The following PTPRT variants were observed in gnomAD, a reference collection of about 807,000 sequenced individuals.
The protein encoded by PTPRT is protein tyrosine phosphatase receptor type T.
In PTPRT, 56 loss-of-function variants were observed where a neutral mutation model predicts 176.8. The observed-to-expected ratio is 0.32, with a 90% CI of 0.26 to 0.40. The LOEUF (loss-of-function observed/expected upper bound fraction) is 0.40, where lower values mean the gene tolerates loss of function less well. PTPRT is among the 10% of genes least tolerant of loss of function. The pLI is 1.00. For missense variants in PTPRT, 1,540 were observed against 1,908.2 expected (o/e 0.81, Z 3.60); for synonymous variants, 783 against 739.0 (o/e 1.06, Z -0.96).
At chr20:42,122,817 G>A (rs775724224) in intron 19 of PTPRT, among the ~76,000 whole-genome samples, 3 of 152,068 alleles carry the variant, frequency 2.0e-5, no homozygotes, top group African/African-American at 7.2e-5. Flanking sequence ...CCTTACCTTC[G>A]GACTAGTCAT....
rs368854838 is a variant in PTPRT, at chr20:43,071,379, C to T, written c.88+118267G>A. Among the ~76,000 whole-genome samples, 705 of 152,326 alleles carry T rather than the reference C, an allele frequency of 4.6e-3. 6 individuals are homozygous for T. Among genetic ancestry groups the T allele is most frequent in the African/African-American group, 0.016 (679 of 41,558 alleles). Reference sequence around the variant, plus strand: ...TGTGGTTGAACAAGCTCTCCAGGTGCTTCTCATGGATGCTCGAGTTTGAGA... The same window carrying T: ...TGTGGTTGAACAAGCTCTCCAGGTGTTTCTCATGGATGCTCGAGTTTGAGA... On this transcript the variant is annotated intron_variant, in intron 1 of 30. Coordinates refer to ENST00000373187, the MANE Select transcript of PTPRT (RefSeq NM_007050.6).
intron 26 of PTPRT, among the ~76,000 whole-genome samples, chr20:42,101,666 C>T (rs572952780): frequency 6.6e-6 from 1 of 152,318 alleles, no homozygotes; most frequent in East Asian, 1.9e-4. Flanking sequence ...TGTGCGCCAT[C>T]CTCATTTTTG....
intron 16 of PTPRT, among the ~76,000 whole-genome samples, chr20:42,166,631 A>G (rs993829808): frequency 1.3e-5 from 2 of 152,188 alleles, no homozygotes; most frequent in Non-Finnish European, 2.9e-5. Context: ...TTTGAGAAGA[A>G]GTCGGGGCCA....
intron 1 of PTPRT, among the ~76,000 whole-genome samples, chr20:43,018,682 T>C (rs747385435): frequency 6.6e-6 from 1 of 152,230 alleles, no homozygotes; most frequent in East Asian, 1.9e-4. Context: ...ACAGAAAATA[T>C]GAACAAAAGA....
At chr20:42,953,601 C>T (rs11908081) in intron 1 of PTPRT, among the ~76,000 whole-genome samples, 11,105 of 152,166 alleles carry the variant, frequency 0.073, 1,177 homozygotes, top group African/African-American at 0.23. Context: ...TAGAGTCTAT[C>T]ACACTCCTAG....
At chr20:42,563,357 G>A (rs1601276747) in intron 7 of PTPRT, among the ~76,000 whole-genome samples, 1 of 152,162 alleles carries the variant, frequency 6.6e-6, no homozygotes, top group East Asian at 1.9e-4. Flanking sequence ...AATCAGATTA[G>A]TTTTCAGACA....
intron 1 of PTPRT, among the ~76,000 whole-genome samples, chr20:42,933,033 C>T (rs1316790989): frequency 6.6e-6 from 1 of 152,152 alleles, no homozygotes; most frequent in African/African-American, 2.4e-5. Flanking sequence ...TGGACCCATC[C>T]CAGGCTCCCT....
intron 9 of PTPRT, among the ~76,000 whole-genome samples, chr20:42,439,290 A>T (rs1213511168): frequency 6.6e-6 from 1 of 152,206 alleles, no homozygotes; most frequent in Non-Finnish European, 1.5e-5. Context: ...TCACAAAAAA[A>T]ACCACAACAG....
At chr20:42,924,566 G>A (rs1459807768) in intron 1 of PTPRT, among the ~76,000 whole-genome samples, 1 of 152,226 alleles carries the variant, frequency 6.6e-6, no homozygotes. Context: ...GATGGCTTAA[G>A]CGTAAGTGAA....
At chr20:43,129,379 G>A (rs1572926) in intron 1 of PTPRT, among the ~76,000 whole-genome samples, 49,326 of 152,090 alleles carry the variant, frequency 0.32, 8,867 homozygotes, top group East Asian at 0.79. Context: ...TTAGCTACCA[G>A]GGGCTGCATC....
intron 27 of PTPRT, among the ~76,000 whole-genome samples, chr20:42,087,448 C>T (rs556768380): frequency 4.0e-5 from 6 of 151,370 alleles, no homozygotes; most frequent in East Asian, 2.0e-4. Flanking sequence ...AGAGCCTCAC[C>T]GTGTTAGCCA....
intron 1 of PTPRT, among the ~76,000 whole-genome samples, chr20:43,182,605 G>A (rs1194752090): frequency 6.6e-6 from 1 of 152,100 alleles, no homozygotes; most frequent in East Asian, 1.9e-4. Context: ...TGACCAGGCT[G>A]GTCTTGAACT....
chr20:42,701,486 CTCTTTA>C (rs1271226794), intron 6 of PTPRT, among the ~76,000 whole-genome samples: 1 of 152,196 alleles, frequency 6.6e-6, no homozygotes, highest in African/African-American at 2.4e-5. Flanking sequence ...TCTTCATTGA[CTCTTTA>C]GCATATGCTC....
At chr20:42,815,475 A>C (rs920073070) in intron 2 of PTPRT, among the ~76,000 whole-genome samples, 2 of 152,236 alleles carry the variant, frequency 1.3e-5, no homozygotes, top group African/African-American at 4.8e-5. Flanking sequence ...GTAGCAAAGT[A>C]AGTTTACAAC....
At chr20:42,770,853 T>A (rs1336997508) in intron 5 of PTPRT, among the ~76,000 whole-genome samples, 1 of 152,218 alleles carries the variant, frequency 6.6e-6, no homozygotes, top group Non-Finnish European at 1.5e-5. Flanking sequence ...TCTGGAACTT[T>A]TAGGTTTTGG....
intron 16 of PTPRT, among the ~76,000 whole-genome samples, chr20:42,175,468 C>G (rs1377811471): frequency 6.6e-6 from 1 of 152,122 alleles, no homozygotes; most frequent in Non-Finnish European, 1.5e-5. Context: ...AATTCCTCCT[C>G]TAGAATAAAC....
At chr20:43,185,928 CT>C (rs2015378887) in intron 1 of PTPRT, among the ~76,000 whole-genome samples, 1 of 70,772 alleles carries the variant, frequency 1.4e-5, no homozygotes, top group Non-Finnish European at 4.7e-5. Context: ...TAAGACTGAT[CT>C]CAAAAAAAAA....
At chr20:42,418,776 C>T (rs1014034076) in intron 9 of PTPRT, among the ~76,000 whole-genome samples, 1 of 152,124 alleles carries the variant, frequency 6.6e-6, no homozygotes, top group Non-Finnish European at 1.5e-5. Flanking sequence ...ATCCCTGCTG[C>T]AGCACATACC....
chr20:42,144,144 G>A (rs1313858046), intron 17 of PTPRT, among the ~76,000 whole-genome samples: 2 of 152,168 alleles, frequency 1.3e-5, no homozygotes, highest in Non-Finnish European at 1.5e-5. Flanking sequence ...CATAGATCCT[G>A]ACTGTGAAGG....
Sources: gnomAD v4.1 joint callset for allele counts (sites outside exome capture counted in the v4.1 genomes callset) on GRCh38, gnomAD v4.1.1 for gene constraint, MANE v1.5 for transcripts, NCBI Gene and HGNC (gene_info 2026-07-23, HGNC 2026-07-21) for gene names.